The following GK2 variants were observed in gnomAD, a reference collection of about 807,000 sequenced individuals.
GK2 encodes the protein glycerol kinase 2, also known as ATP:glycerol 3-phosphotransferase 2.
In GK2, 10 loss-of-function variants were observed where a neutral mutation model predicts 9.5. The ratio of observed to expected loss-of-function variants is 1.05; its 90% CI spans 0.65 to 1.78. GK2 has a LOEUF of 1.78. GK2 is among the 40% of genes most tolerant of loss of function. The pLI, the probability that GK2 is intolerant of heterozygous loss-of-function variation, is 0.00. For synonymous variants in GK2, 228 were observed against 229.9 expected (o/e 0.99, Z 0.07); for missense variants, 643 against 669.0 (o/e 0.96, Z 0.43).
chr4:79,406,878 A>C lies in GK2; in HGVS notation c.1323T>G (p.Ile441Met). ...NKVLMQLQAD[I>M]LHIPVIKPFM... ...AGGGTTTTATTACTGGAATATGAAG[A>C]ATATCTGCTTGTAGCTGCATAAGAA... Residue 441 changes from isoleucine to methionine, a missense_variant, in exon 1 of 1, where the codon ATT (isoleucine) becomes ATG (methionine). Physicochemically the swap from Ile to Met is conservative, Grantham distance 10 (BLOSUM62 1). Transcript: ENST00000358842. The C allele has an allele frequency of 6.2e-7, 1 of 1,614,212 alleles. No homozygotes were observed. Among genetic ancestry groups the C allele is most frequent in the Non-Finnish European group, 8.5e-7 (1 of 1,180,008 alleles).
At position 79,407,737 on chromosome 4, in the gene GK2, C is replaced by A. The variant is rs147498656; in HGVS notation, c.464G>T (p.Arg155Leu). The change falls in exon 1 of 1, where the codon CGT (arginine) becomes CTT (leucine). Residue 155 changes from arginine (R) to leucine (L), a missense_variant. Physicochemically the swap from Arg to Leu is moderately radical, Grantham distance 102 (BLOSUM62 -2). Transcript: ENST00000358842. The stretch of plus-strand genomic sequence containing the variant: ...GTTTCTCACATTGTCAAGCATCCAA[C>A]GAAGTTTTACTGCACTGAAGTAAGT... ...LSTYFSAVKL[R>L]WMLDNVRNVQ... 3 of 1,614,134 alleles carry A rather than the reference C, an allele frequency of 1.9e-6. No homozygotes were observed. Among genetic ancestry groups the A allele is most frequent in the Admixed American group, 1.7e-5 (1 of 60,018 alleles).
chr4:79,407,133 A>G lies in GK2; in HGVS notation c.1068T>C (p.Tyr356=). Residue 356 remains tyrosine, a synonymous_variant, in exon 1 of 1, where the codon TAT becomes TAC. Coordinates refer to ENST00000358842, the MANE Select transcript of GK2 (RefSeq NM_033214.3). ...AAAAGGCTGGGACAAAGTAACAGCC[A>G]TAAGAAGTTCCTACTTCTTTAGCAA... ...ERLAKEVGTS[Y]GCYFVPAFSG... is the part of the protein sequence containing the mutation. 5.0e-6 allele frequency: 8 copies of G among 1,613,838 alleles called. No individual in the cohort carries two copies. The highest frequency in any genetic ancestry group is 2.2e-5 in the South Asian group (2 of 91,080).
Position 79,406,385 on chromosome 4 carries a change from C to A in GK2, c.*154G>T. ...CTCTTCTAACGTATTTTCTTTATTT[C>A]AGGTCACAAGTCTAGGGTTTTCATG... On this transcript the variant is annotated 3_prime_UTR_variant, in exon 1 of 1. Transcript: ENST00000358842. 1.8e-6 allele frequency: 1 copy of A among 543,770 alleles called. No individual in the cohort carries two copies. Among genetic ancestry groups the A allele is most frequent in the Non-Finnish European group, 3.2e-6 (1 of 307,882 alleles). 33.7% of individuals were successfully genotyped at this position (543,770 alleles called of 1,614,324 possible). A position where few individuals can be genotyped will look rare whatever the true frequency, so the allele number is the denominator to read the frequency against.
In GK2 at chr4:79,406,421, C is replaced by G; in HGVS notation, c.*118G>C. 9 of 637,370 alleles carry G rather than the reference C, an allele frequency of 1.4e-5. No individual in the cohort carries two copies. Among genetic ancestry groups the G allele is most frequent in the Non-Finnish European group, 2.5e-5 (9 of 364,572 alleles). The allele number at this position is 637,370 out of a possible 1,614,324, so 39.5% of individuals were successfully genotyped here. ...TCTAGGGTTTTCATGGGTCATGTAG[C>G]AAGTGGTTTATAAACAAAATCAGAG... On this transcript the variant is annotated 3_prime_UTR_variant, in exon 1 of 1. Coordinates refer to ENST00000358842, the MANE Select transcript of GK2 (RefSeq NM_033214.3).
Position 79,407,092 on chromosome 4 carries a change from G to T in GK2, c.1109C>A (p.Pro370His). 6.2e-7 allele frequency: 1 copy of T among 1,614,074 alleles called. No homozygotes were observed. Among genetic ancestry groups the T allele is most frequent in the Non-Finnish European group, 8.5e-7 (1 of 1,179,990 alleles). ...FVPAFSGLYA[P>H]YWEPSARGIL... ...CCCTCTTGCACTGGGCTCCCAATAAGGTGCATATAACCCTGAAAAGGCTGG... is the reference window on the plus strand; with the variant it reads ...CCCTCTTGCACTGGGCTCCCAATAATGTGCATATAACCCTGAAAAGGCTGG... The change falls in exon 1 of 1, where the codon CCT becomes CAT. Residue 370 changes from proline to histidine, a missense_variant. By Grantham distance (77) the Pro-to-His change is moderately conservative. Transcript: ENST00000358842.
In GK2 at chr4:79,406,963, C is replaced by T. The variant is rs777345068; in HGVS notation, c.1238G>A (p.Arg413His). ...ATGACGAAGTGGAATTCCACAGTCA[C>T]GGTTCATGGCTTCCAAAATCTCTCG... ...QTREILEAMN[R>H]DCGIPLRHLQ... Residue 413 changes from arginine to histidine, a missense_variant, in exon 1 of 1, where the codon CGT (arginine) becomes CAT (histidine). Transcript: ENST00000358842. 23 of 1,614,068 alleles carry T rather than the reference C, an allele frequency of 1.4e-5. No individual in the cohort carries two copies. In the African/African-American group the frequency reaches 1.6e-4, roughly 11 times the overall value.
In GK2 at chr4:79,406,803, T is replaced by A; in HGVS notation, c.1398A>T (p.Ala466=). Reference sequence around the variant, plus strand: ...CAAGGCTCCAAACGCTTACTCCCTCTGCAGCCCCTGCTGCCATGGCAGCTC... The same window carrying A: ...CAAGGCTCCAAACGCTTACTCCCTCAGCAGCCCCTGCTGCCATGGCAGCTC... ...ALGAAMAAGA[A]EGVSVWSLEP... is the part of the protein sequence containing the mutation. The change falls in exon 1 of 1, where the codon GCA becomes GCT. Residue 466 remains alanine (A), a synonymous_variant. Coordinates refer to ENST00000358842, the MANE Select transcript of GK2 (RefSeq NM_033214.3). 6.2e-7 allele frequency: 1 copy of A among 1,614,246 alleles called. No homozygotes were observed. Among genetic ancestry groups the A allele is most frequent in the Non-Finnish European group, 8.5e-7 (1 of 1,180,036 alleles).
rs993379504 is a variant in GK2, at chr4:79,408,012, A to G, written c.189T>C (p.Ser63=). 4.3e-6 allele frequency: 7 copies of G among 1,614,042 alleles called. No homozygotes were observed. In the East Asian group the frequency reaches 8.9e-5, roughly 21 times the overall value. ...ACGTTCTCGCTATACACTCGTAGAC[A>G]GACTGAAGAATTTCTTTAGGGTCTT... ...VEQDPKEILQ[S]VYECIARTCE... The change falls in exon 1 of 1, where the codon TCT becomes TCC. Residue 63 remains serine (S), a synonymous_variant. Transcript: ENST00000358842.
In GK2 at chr4:79,407,229, T is replaced by G. The variant is rs200729434; in HGVS notation, c.972A>C (p.Ile324=). 40 of 1,614,224 alleles carry G rather than the reference T, an allele frequency of 2.5e-5. No homozygotes were observed. The African/African-American group carries it at 4.4e-4, about 18-fold the overall frequency. Residue 324 remains isoleucine (I), a synonymous_variant, in exon 1 of 1, where the codon ATA becomes ATC. Transcript: ENST00000358842. ...AYYALEGSVA[I]AGAVIRWLRD... ...TTAGCCAACGAATAACAGCACCTGC[T>G]ATAGCAACAGAACCTTCCAGTGCAT...
Position 79,407,966 on chromosome 4 carries a change from T to G in GK2, c.235A>C (p.Asn79His). 1.2e-6 allele frequency: 2 copies of G among 1,614,104 alleles called. No individual in the cohort carries two copies. Among genetic ancestry groups the G allele is most frequent in the Non-Finnish European group, 1.7e-6 (2 of 1,179,942 alleles). The change falls in exon 1 of 1, where the codon AAT (asparagine) becomes CAT (histidine). Residue 79 changes from asparagine to histidine, a missense_variant. Coordinates refer to ENST00000358842, the MANE Select transcript of GK2 (RefSeq NM_033214.3). ...GCTTTTATGTTGGATATATCAATAT[T>G]CAGTTCGTCAAGTTTCTCACACGTT... ...ARTCEKLDEL[N>H]IDISNIKAVG...
In GK2 at chr4:79,407,880, A is replaced by T. The variant is rs757857648; in HGVS notation, c.321T>A (p.Pro107=). 6.2e-7 allele frequency: 1 copy of T among 1,614,122 alleles called. No individual in the cohort carries two copies. Among genetic ancestry groups the T allele is most frequent in the Non-Finnish European group, 8.5e-7 (1 of 1,179,982 alleles). ...TVIWDKLTGE[P]LYNAVVWLDL... ...CAAGCCACACCACAGCATTGTAGAGAGGCTCTCCTGTTAACTTGTCCCAGA... is the reference window on the plus strand; with the variant it reads ...CAAGCCACACCACAGCATTGTAGAGTGGCTCTCCTGTTAACTTGTCCCAGA... The change falls in exon 1 of 1, where the codon CCT becomes CCA. Residue 107 remains proline (P), a synonymous_variant. Transcript: ENST00000358842.
rs745459869 is a variant in GK2, at chr4:79,406,814, C to A, written c.1387G>T (p.Ala463Ser). The A allele has an allele frequency of 3.7e-6, 6 of 1,614,240 alleles. No individual in the cohort carries two copies. Among genetic ancestry groups the A allele is most frequent in the Non-Finnish European group, 5.1e-6 (6 of 1,180,038 alleles). Residue 463 changes from alanine (A) to serine (S), a missense_variant, in exon 1 of 1, where the codon GCA becomes TCA. Physicochemically the swap from Ala to Ser is moderately conservative, Grantham distance 99 (BLOSUM62 1). Coordinates refer to ENST00000358842, the MANE Select transcript of GK2 (RefSeq NM_033214.3). Reference sequence around the variant, plus strand: ...ACGCTTACTCCCTCTGCAGCCCCTGCTGCCATGGCAGCTCCTAGTGCAGTT... The same window carrying A: ...ACGCTTACTCCCTCTGCAGCCCCTGATGCCATGGCAGCTCCTAGTGCAGTT... ...ETTALGAAMA[A>S]GAAEGVSVWS...
rs370754449 is a variant in GK2 at position 79,406,631 on chromosome 4, G to C, written c.1570C>G (p.Pro524Ala). Residue 524 changes from proline to alanine, a missense_variant, in exon 1 of 1, where the codon CCT becomes GCT. Physicochemically the swap from Pro to Ala is conservative, Grantham distance 27. Transcript: ENST00000358842. ...AAAGGCAGACTAGAGAAGATAGAAG[G>C]ATCACCACCTTCAGGAGACTGACTG... is the stretch of plus-strand genomic sequence containing the variant. ...VTSQSPEGGD[P>A]SIFSSLPLGF... The C allele has an allele frequency of 1.9e-6, 3 of 1,613,664 alleles. No homozygotes were observed. In the South Asian group the frequency reaches 3.3e-5, roughly 18 times the overall value.
In GK2 at chr4:79,407,736, A is replaced by ATG; in HGVS notation, c.464_465insCA (p.Trp156IlefsTer7). On this transcript the variant is annotated frameshift_variant, in exon 1 of 1. Transcript: ENST00000358842. LOFTEE classifies it high-confidence loss of function. ...CGTTTCTCACATTGTCAAGCATCCA[A>ATG]CGAAGTTTTACTGCACTGAAGTAAG... 1.2e-6 allele frequency: 2 copies of ATG among 1,614,142 alleles called. No individual in the cohort carries two copies. The highest frequency in any genetic ancestry group is 1.7e-6 in the Non-Finnish European group (2 of 1,180,026).
At position 79,406,607 on chromosome 4, in the gene GK2, A is replaced by C; in HGVS notation, c.1594T>G (p.Leu532Val). The change falls in exon 1 of 1, where the codon TTG becomes GTG. Residue 532 changes from leucine to valine, a missense_variant. By Grantham distance (32) the Leu-to-Val change is conservative. Coordinates refer to ENST00000358842, the MANE Select transcript of GK2 (RefSeq NM_033214.3). ...GDPSIFSSLP[L>V]GFFIVSSMVM... The stretch of plus-strand genomic sequence containing the variant: ...ATGCTACTCACTATAAAAAATCCCA[A>C]AGGCAGACTAGAGAAGATAGAAGGA... 6.2e-7 allele frequency: 1 copy of C among 1,614,102 alleles called. No individual in the cohort carries two copies. The highest frequency in any genetic ancestry group is 8.5e-7 in the Non-Finnish European group (1 of 1,179,948).
At position 79,408,122 on chromosome 4, in the gene GK2, C is replaced by G. The variant is rs755744482; in HGVS notation, c.79G>C (p.Val27Leu). 1.2e-6 allele frequency: 2 copies of G among 1,614,096 alleles called. No individual in the cohort carries two copies. The highest frequency in any genetic ancestry group is 1.7e-6 in the Non-Finnish European group (2 of 1,179,962). Residue 27 changes from valine to leucine, a missense_variant, in exon 1 of 1, where the codon GTT becomes CTT. Transcript: ENST00000358842. ...AGTTCCGCTGTTTTTGAATTGAAAA[C>G]CAGAAAGCGAGTGGAGTTGGTGCCC... ...VQGTNSTRFL[V>L]FNSKTAELLS...
chr4:79,407,499 G>T lies in GK2; in HGVS notation c.702C>A (p.Phe234Leu). ...TTAGGCCATAGATCTCAGAAGAACT[G>T]AAGACATTTGGAAGAAGGTCCATTG... The part of the protein sequence containing the change: ...EIPMDLLPNV[F>L]SSSEIYGLIK... Residue 234 changes from phenylalanine to leucine, a missense_variant, in exon 1 of 1, where the codon TTC becomes TTA. Phe to Leu is a conservative substitution (Grantham distance 22, BLOSUM62 0). Transcript: ENST00000358842. The T allele has an allele frequency of 5.0e-6, 8 of 1,614,090 alleles. No individual in the cohort carries two copies. The highest frequency in any genetic ancestry group is 6.8e-6 in the Non-Finnish European group (8 of 1,179,978).
chr4:79,407,577 A>G lies in GK2; in HGVS notation c.624T>C (p.Phe208=). The G allele has an allele frequency of 6.2e-7, 1 of 1,614,194 alleles. No homozygotes were observed. Among genetic ancestry groups the G allele is most frequent in the Non-Finnish European group, 8.5e-7 (1 of 1,180,008 alleles). ...DVTNASRTML[F]NIHSLEWDKE... ...TATCCCATTCCAAAGAATGGATATT[A>G]AAAAGCATTGTCCTACTTGCATTTG... Residue 208 remains phenylalanine, a synonymous_variant, in exon 1 of 1, where the codon TTT becomes TTC. Coordinates refer to ENST00000358842, the MANE Select transcript of GK2 (RefSeq NM_033214.3).
At position 79,407,995 on chromosome 4, in the gene GK2, G is replaced by C; in HGVS notation, c.206C>G (p.Ala69Gly). ...TTCGTCAAGTTTCTCACACGTTCTCGCTATACACTCGTAGACAGACTGAAG... is the reference window on the plus strand; with the variant it reads ...TTCGTCAAGTTTCTCACACGTTCTCCCTATACACTCGTAGACAGACTGAAG... ...EILQSVYECI[A>G]RTCEKLDELN... The change falls in exon 1 of 1, where the codon GCG becomes GGG. Residue 69 changes from alanine to glycine, a missense_variant. Physicochemically the swap from Ala to Gly is moderately conservative, Grantham distance 60. Coordinates refer to ENST00000358842, the MANE Select transcript of GK2 (RefSeq NM_033214.3). 6.2e-7 allele frequency: 1 copy of C among 1,613,980 alleles called. No individual in the cohort carries two copies. The highest frequency in any genetic ancestry group is 8.5e-7 in the Non-Finnish European group (1 of 1,179,922).
Sources: allele counts gnomAD v4.1 joint callset, GRCh38; gene constraint gnomAD v4.1.1; transcripts MANE v1.5; gene names NCBI Gene and HGNC (gene_info 2026-07-23, HGNC 2026-07-21).